CDH13: variants seen among roughly 807,000 people sequenced by gnomAD.
CDH13 encodes the protein cadherin-13.
CDH13 carries 24 observed loss-of-function variants against 63.8 expected under a neutral mutation model. The observed-to-expected ratio is 0.38, with a 90% CI of 0.27 to 0.53. The LOEUF (loss-of-function observed/expected upper bound fraction) is 0.53. CDH13 is among the 20% of genes least tolerant of loss of function. The pLI is 0.85. For synonymous variants in CDH13, 503 were observed against 355.3 expected (o/e 1.42, Z -4.67); for missense variants, 1,049 against 903.1 (o/e 1.16, Z -2.07).
chr16:83,256,606 C>A (rs1027249226), intron 5 of CDH13, among the ~76,000 whole-genome samples: 2 of 145,952 alleles, frequency 1.4e-5, no homozygotes, highest in Non-Finnish European at 3.0e-5. Flanking sequence ...CTGAGGCGGG[C>A]GAATCACGAG....
rs117921677 is a variant in CDH13 at position 82,677,317 on chromosome 16, C to T, written c.45+50180C>T. On this transcript the variant is annotated intron_variant, in intron 1 of 13. Transcript: ENST00000567109. ...TCTAGATCTGATACCCCTCTTATTC[C>T]CTCTTCTGTTTTATACCTCTTCTTC... Among the ~76,000 whole-genome samples, 1,321 of 152,282 alleles carry T rather than the reference C, an allele frequency of 8.7e-3. 9 individuals carry two copies. Among genetic ancestry groups the T allele is most frequent in the Admixed American group, 0.014 (210 of 15,302 alleles).
chr16:83,433,566 C>T (rs2072194294), intron 6 of CDH13, among the ~76,000 whole-genome samples: 1 of 152,148 alleles, frequency 6.6e-6, no homozygotes. Flanking sequence ...AAGAAGTTTT[C>T]ATGTTCATTT....
intron 5 of CDH13, among the ~76,000 whole-genome samples, chr16:83,226,463 T>G (rs1443278582): frequency 2.0e-5 from 3 of 152,146 alleles, no homozygotes; most frequent in Non-Finnish European, 4.4e-5. Context: ...TCCTTAATTT[T>G]CTCTTCTCCA....
intron 8 of CDH13, among the ~76,000 whole-genome samples, chr16:83,629,595 G>A (rs1256458585): frequency 6.6e-6 from 1 of 152,178 alleles, no homozygotes; most frequent in Non-Finnish European, 1.5e-5. Flanking sequence ...TATTTCTCAT[G>A]TGTCTGAAAT....
At chr16:83,565,545 A>T (rs1449784573) in intron 7 of CDH13, among the ~76,000 whole-genome samples, 1 of 151,072 alleles carries the variant, frequency 6.6e-6, no homozygotes, top group East Asian at 1.9e-4. Flanking sequence ...AATTCTGGGA[A>T]CTCCCTGAGA....
At chr16:82,679,715 C>T (rs1914335986) in intron 1 of CDH13, among the ~76,000 whole-genome samples, 1 of 152,172 alleles carries the variant, frequency 6.6e-6, no homozygotes, top group Non-Finnish European at 1.5e-5. Context: ...TTAATACCAA[C>T]CTCATACTGT....
chr16:82,947,347 T>G (rs1247069125), intron 2 of CDH13, among the ~76,000 whole-genome samples: 1 of 152,154 alleles, frequency 6.6e-6, no homozygotes, highest in Non-Finnish European at 1.5e-5. Context: ...GAGGTGACGG[T>G]CAAGAGTATA....
chr16:82,759,025 G>T (rs1269263974), intron 1 of CDH13, among the ~76,000 whole-genome samples: 1 of 152,008 alleles, frequency 6.6e-6, no homozygotes. Context: ...ACTTTCTAAG[G>T]GCTTTCTCAG....
At chr16:83,598,545 T>C (rs1396244771) in intron 7 of CDH13, among the ~76,000 whole-genome samples, 3 of 152,224 alleles carry the variant, frequency 2.0e-5, no homozygotes, top group Non-Finnish European at 4.4e-5. Flanking sequence ...GCTTTCTTGC[T>C]AATCAGAGAA....
At chr16:83,598,389 G>C (rs1428934762) in intron 7 of CDH13, among the ~76,000 whole-genome samples, 1 of 152,094 alleles carries the variant, frequency 6.6e-6, no homozygotes, top group Non-Finnish European at 1.5e-5. Flanking sequence ...TTTTTAAATA[G>C]ATAATTACAG....
At chr16:82,909,871 T>G (rs1313363229) in intron 2 of CDH13, among the ~76,000 whole-genome samples, 2 of 152,200 alleles carry the variant, frequency 1.3e-5, no homozygotes, top group African/African-American at 4.8e-5. Context: ...CTTCCCAATT[T>G]TTGCCCATAC....
chr16:83,076,642 C>G (rs758653962), intron 3 of CDH13, among the ~76,000 whole-genome samples: 5 of 152,080 alleles, frequency 3.3e-5, no homozygotes, highest in African/African-American at 1.2e-4. Context: ...ACATCACACA[C>G]ACACACACAC....
At chr16:83,276,726 C>G (rs923712196) in intron 5 of CDH13, among the ~76,000 whole-genome samples, 3 of 152,056 alleles carry the variant, frequency 2.0e-5, no homozygotes, top group African/African-American at 7.2e-5. Flanking sequence ...AAAAAATTAC[C>G]TTGGCATGGT....
At chr16:83,280,579 C>T (rs1194936551) in intron 5 of CDH13, among the ~76,000 whole-genome samples, 1 of 152,352 alleles carries the variant, frequency 6.6e-6, no homozygotes, top group East Asian at 1.9e-4. Context: ...TTATCATGAA[C>T]CAAGAATGTT....
At chr16:83,750,786 T>G (rs1467050309) in intron 11 of CDH13, among the ~76,000 whole-genome samples, 1 of 152,142 alleles carries the variant, frequency 6.6e-6, no homozygotes, top group East Asian at 1.9e-4. Flanking sequence ...GAACCAAACC[T>G]GCAGATGCTT....
chr16:83,517,097 C>T (rs1234951689), intron 7 of CDH13, among the ~76,000 whole-genome samples: 1 of 152,088 alleles, frequency 6.6e-6, no homozygotes. Flanking sequence ...GAAGTGAATT[C>T]CTGGAATCTC....
chr16:82,782,666 A>G (rs1175224586), intron 1 of CDH13, among the ~76,000 whole-genome samples: 1 of 152,236 alleles, frequency 6.6e-6, no homozygotes, highest in Non-Finnish European at 1.5e-5. Flanking sequence ...ATTGGCACAG[A>G]CACTTAATTA....
intron 6 of CDH13, among the ~76,000 whole-genome samples, chr16:83,471,275 C>CTTTTTTT (rs34765413): frequency 8.2e-6 from 1 of 121,998 alleles, no homozygotes; most frequent in Non-Finnish European, 1.6e-5. Flanking sequence ...TCTAACCACC[C>CTTTTTTT]TTTTTTTTTT....
intron 6 of CDH13, among the ~76,000 whole-genome samples, chr16:83,412,011 G>T (rs568119753): frequency 6.6e-6 from 1 of 152,184 alleles, no homozygotes; most frequent in Non-Finnish European, 1.5e-5. Context: ...CTAAGTTTAG[G>T]TTCTCTGTGG....
Sources: allele counts gnomAD v4.1 joint callset (sites outside exome capture counted in the v4.1 genomes callset), GRCh38; gene constraint gnomAD v4.1.1; transcripts MANE v1.5; gene names NCBI Gene and HGNC (gene_info 2026-07-23, HGNC 2026-07-21).